Variants in EDIL3 observed in about 807,000 individuals in gnomAD.
EDIL3 encodes the protein EGF like and discoidin domains 3.
Under a neutral mutation model 67.4 loss-of-function variants are expected in EDIL3, and 37 were observed. That is an observed-to-expected ratio of 0.55 (90% CI 0.42 to 0.72). The LOEUF is 0.72. EDIL3 is among the 30% of genes least tolerant of loss of function. EDIL3 has a pLI of 0.00. For missense variants in EDIL3, 527 were observed against 586.3 expected (o/e 0.90, Z 1.04); for synonymous variants, 195 against 196.3 (o/e 0.99, Z 0.05).
At chr5:84,236,578 C>T (rs1744687347) in intron 2 of EDIL3, among the ~76,000 whole-genome samples, 1 of 152,070 alleles carries the variant, frequency 6.6e-6, no homozygotes. Flanking sequence ...ACCTTTTAAA[C>T]TATAACCGAA....
chr5:84,130,950 G>A (rs935178353), intron 5 of EDIL3, among the ~76,000 whole-genome samples: 5 of 152,060 alleles, frequency 3.3e-5, no homozygotes, highest in African/African-American at 1.2e-4. Flanking sequence ...TTATGTATCT[G>A]TAAAACATGG....
chr5:84,364,935 T>C (rs967804645), intron 1 of EDIL3, among the ~76,000 whole-genome samples: 4 of 152,096 alleles, frequency 2.6e-5, no homozygotes, highest in Non-Finnish European at 5.9e-5. Flanking sequence ...TAGAGTGTTA[T>C]ACCAATCCTT....
intron 2 of EDIL3, among the ~76,000 whole-genome samples, chr5:84,241,786 G>A (rs924404537): frequency 6.6e-6 from 1 of 151,668 alleles, no homozygotes; most frequent in Non-Finnish European, 1.5e-5. Context: ...ATAGTCAGAG[G>A]CCTAGATGTT....
chr5:84,221,044 T>C (rs145422148), intron 3 of EDIL3, among the ~76,000 whole-genome samples: 103 of 152,304 alleles, frequency 6.8e-4, no homozygotes, highest in African/African-American at 2.2e-3. Context: ...TTATTTAATC[T>C]ATATTTAAAT....
intron 9 of EDIL3, among the ~76,000 whole-genome samples, chr5:84,021,040 G>A (rs760340345): frequency 2.6e-5 from 4 of 151,904 alleles, no homozygotes; most frequent in Non-Finnish European, 4.4e-5. Flanking sequence ...ATGTCCAATC[G>A]AAAAGAAATA....
At chr5:84,108,613 TG>T (rs961933956) in intron 5 of EDIL3, among the ~76,000 whole-genome samples, 6 of 152,234 alleles carry the variant, frequency 3.9e-5, no homozygotes, top group Admixed American at 1.3e-4. Context: ...ACCCTTATTT[TG>T]CTTTCCATTT....
chr5:83,967,653 T>C (rs1270198521), intron 9 of EDIL3, among the ~76,000 whole-genome samples: 2 of 152,158 alleles, frequency 1.3e-5, no homozygotes, highest in Non-Finnish European at 2.9e-5. Context: ...GGCATAGAAT[T>C]CTGTGAGCAT....
chr5:84,050,493 C>G (rs368509157), intron 9 of EDIL3, among the ~76,000 whole-genome samples: 1 of 152,106 alleles, frequency 6.6e-6, no homozygotes, highest in African/African-American at 2.4e-5. Context: ...GTGCACTGAG[C>G]GTGAGCTGAA....
At chr5:84,021,837 C>T (rs1043441594) in intron 9 of EDIL3, among the ~76,000 whole-genome samples, 7 of 151,770 alleles carry the variant, frequency 4.6e-5, no homozygotes, top group African/African-American at 7.3e-5. Context: ...TACAACCTAC[C>T]AAGATTGAAT....
chr5:84,374,499 T>G (rs1420208515), intron 1 of EDIL3, among the ~76,000 whole-genome samples: 1 of 152,208 alleles, frequency 6.6e-6, no homozygotes, highest in Admixed American at 6.5e-5. Context: ...TTTATTATTT[T>G]GGGGGAATAA....
intron 3 of EDIL3, among the ~76,000 whole-genome samples, chr5:84,205,799 CTCT>C (rs896973156): frequency 5.7e-4 from 87 of 152,112 alleles, no homozygotes; most frequent in African/African-American, 2.0e-3. Flanking sequence ...TGATTCTTCT[CTCT>C]TTTTTTCTTT....
Position 84,055,366 on chromosome 5 carries a change from C to T in EDIL3, c.1137+4934G>A, listed in dbSNP as rs1481237299. On this transcript the variant is annotated intron_variant, in intron 9 of 10. Transcript: ENST00000296591. ...AAACCATAAAAACCCGAGAAGAAAA[C>T]CTAGGCTATACCATTCAGGACATAG... is the stretch of plus-strand genomic sequence containing the variant. Among the ~76,000 whole-genome samples the T allele has an allele frequency of 1.4e-5, 2 of 146,286 alleles. 1 individual carries two copies. Among genetic ancestry groups the T allele is most frequent in the African/African-American group, 5.4e-5 (2 of 37,192 alleles).
chr5:84,044,261 A>G (rs1746182253), intron 9 of EDIL3, among the ~76,000 whole-genome samples: 1 of 152,216 alleles, frequency 6.6e-6, no homozygotes, highest in Non-Finnish European at 1.5e-5. Context: ...TCATCAACTA[A>G]AAAGAGTTAA....
At chr5:84,136,326 G>C (rs772301798) in intron 5 of EDIL3, among the ~76,000 whole-genome samples, 1 of 152,106 alleles carries the variant, frequency 6.6e-6, no homozygotes, top group Non-Finnish European at 1.5e-5. Flanking sequence ...CAGATCATAC[G>C]ATATACATCG....
At chr5:84,206,533 C>G (rs893067458) in intron 3 of EDIL3, among the ~76,000 whole-genome samples, 1 of 152,102 alleles carries the variant, frequency 6.6e-6, no homozygotes, top group African/African-American at 2.4e-5. Context: ...GGAATCCTCC[C>G]TAACTCATTT....
chr5:84,064,426 T>C (rs1369036025), intron 8 of EDIL3, among the ~76,000 whole-genome samples: 2 of 152,136 alleles, frequency 1.3e-5, no homozygotes, highest in Admixed American at 1.3e-4. Flanking sequence ...CATTTAAAAG[T>C]GACAATTTTC....
intron 9 of EDIL3, among the ~76,000 whole-genome samples, chr5:84,020,610 C>T (rs73151652): frequency 0.031 from 4,739 of 151,764 alleles, 254 homozygotes; most frequent in African/African-American, 0.11. Flanking sequence ...GTATAGCCAC[C>T]CCTCCCGCCG....
At chr5:84,098,108 A>G (rs1392400026) in intron 6 of EDIL3, among the ~76,000 whole-genome samples, 2 of 152,048 alleles carry the variant, frequency 1.3e-5, no homozygotes, top group African/African-American at 4.8e-5. Context: ...CTGAAAAAAA[A>G]AAAAAACTTG....
At chr5:84,177,004 A>G (rs1183703037) in intron 4 of EDIL3, among the ~76,000 whole-genome samples, 1 of 152,158 alleles carries the variant, frequency 6.6e-6, no homozygotes, top group East Asian at 1.9e-4. Context: ...AGGATACAAA[A>G]CAGCCATGTT....
Sources: gnomAD v4.1 joint callset for allele counts (sites outside exome capture counted in the v4.1 genomes callset) on GRCh38, gnomAD v4.1.1 for gene constraint, MANE v1.5 for transcripts, NCBI Gene and HGNC (gene_info 2026-07-23, HGNC 2026-07-21) for gene names.